FAT3: variants seen among roughly 807,000 people sequenced by gnomAD.
The protein encoded by FAT3 is FAT atypical cadherin 3, also known as protocadherin Fat 3.
In FAT3, 95 loss-of-function variants were observed where a neutral mutation model predicts 310.2. The ratio of observed to expected loss-of-function variants is 0.31; its 90% CI spans 0.26 to 0.36. FAT3 has a LOEUF of 0.36. Ranked by LOEUF, FAT3 falls within the 10% of genes least tolerant of loss-of-function variation. The pLI is 1.00. For synonymous variants in FAT3, 2,314 were observed against 2,192.9 expected, an observed-to-expected ratio of 1.06 and a Z score of -1.54; for missense variants, 5,408 against 5,715.6, an observed-to-expected ratio of 0.95 and a Z score of 1.74.
chr11:92,579,461 G>C (rs1938669106), intron 3 of FAT3, among the ~76,000 whole-genome samples: 1 of 152,052 alleles, frequency 6.6e-6, no homozygotes, highest in African/African-American at 2.4e-5. Context: ...TTTTTCTGGA[G>C]ATATATTCAA....
chr11:92,435,863 A>C (rs1168495757), intron 2 of FAT3, among the ~76,000 whole-genome samples: 1 of 151,690 alleles, frequency 6.6e-6, no homozygotes, highest in African/African-American at 2.4e-5. Flanking sequence ...CACTGTGCCC[A>C]GCCTCTTCGC....
intron 1 of FAT3, among the ~76,000 whole-genome samples, chr11:92,332,105 C>T (rs555370735): frequency 6.6e-6 from 1 of 152,166 alleles, no homozygotes; most frequent in Non-Finnish European, 1.5e-5. Context: ...CCTGAAGTGC[C>T]CAAGTTTAAA....
At chr11:92,706,831 A>C (rs1944369034) in intron 4 of FAT3, among the ~76,000 whole-genome samples, 1 of 152,216 alleles carries the variant, frequency 6.6e-6, no homozygotes, top group African/African-American at 2.4e-5. Context: ...GCTGAGTCTT[A>C]AGAGACTCTG....
At chr11:92,412,871 C>T (rs904909427) in intron 2 of FAT3, among the ~76,000 whole-genome samples, 1 of 150,950 alleles carries the variant, frequency 6.6e-6, no homozygotes, top group African/African-American at 2.4e-5. Flanking sequence ...CATGCACAGC[C>T]TTCCCTATAG....
chr11:92,555,798 A>G (rs796389125), intron 3 of FAT3, among the ~76,000 whole-genome samples: 15 of 152,336 alleles, frequency 9.8e-5, no homozygotes, highest in African/African-American at 3.6e-4. Flanking sequence ...TTTTTAATGA[A>G]AAACACACAA....
intron 3 of FAT3, among the ~76,000 whole-genome samples, chr11:92,619,706 C>T (rs993738689): frequency 2.0e-5 from 3 of 151,538 alleles, no homozygotes; most frequent in Non-Finnish European, 4.4e-5. Flanking sequence ...AGTTAATAGT[C>T]GTTTCTCATT....
In FAT3 at chr11:92,805,284, G is replaced by T; in HGVS notation, c.9028G>T (p.Val3010Phe). ...TATCACTGCCACTGATGGGCTTTTT[G>T]TCACACAGGCCATGGTGGAAGTGAG... ...LNITATDGLF[V>F]TQAMVEVSVS... The change falls in exon 11 of 28, where the codon GTC becomes TTC. Residue 3010 changes from valine (V) to phenylalanine (F), a missense_variant. Coordinates refer to ENST00000525166, the MANE Select transcript of FAT3 (RefSeq NM_001367949.2). 1 of 1,613,808 alleles carries T rather than the reference G, an allele frequency of 6.2e-7. No homozygotes were observed. The highest frequency in any genetic ancestry group is 1.7e-5 in the Admixed American group (1 of 60,018).
At chr11:92,705,342 TG>T (rs1944242607) in intron 4 of FAT3, among the ~76,000 whole-genome samples, 2 of 136,062 alleles carry the variant, frequency 1.5e-5, no homozygotes, top group South Asian at 5.0e-4. Flanking sequence ...GTGATGGTGG[TG>T]GTGATGATGG....
Position 92,565,905 on chromosome 11 carries a change from C to G in FAT3, c.3607+40957C>G, listed in dbSNP as rs548303376. Among the ~76,000 whole-genome samples the G allele has an allele frequency of 7.2e-5, 11 of 152,142 alleles. No homozygotes were observed. In the East Asian group the frequency reaches 1.7e-3, roughly 24 times the overall value. On this transcript the variant is annotated intron_variant, in intron 3 of 27. Transcript: ENST00000525166. ...CGTATCTCAAAATAATAAGAGCTAT[C>G]TATGACAAAACCACAGCCAATATCG...
intron 4 of FAT3, among the ~76,000 whole-genome samples, chr11:92,747,941 T>A (rs1945720878): frequency 6.6e-6 from 1 of 152,194 alleles, no homozygotes; most frequent in Non-Finnish European, 1.5e-5. Context: ...CCCACATTGT[T>A]CTCTCTTCTT....
intron 1 of FAT3, among the ~76,000 whole-genome samples, chr11:92,313,472 T>C (rs1029936439): frequency 3.9e-5 from 6 of 152,262 alleles, no homozygotes; most frequent in African/African-American, 1.4e-4. Flanking sequence ...AAAACTGTGC[T>C]ACCATTTTTA....
At position 92,854,774 on chromosome 11, in the gene FAT3, A is replaced by C. The variant is rs72964553; in HGVS notation, c.11366-2440A>C. On this transcript the variant is annotated intron_variant, in intron 19 of 27. Transcript: ENST00000525166. ...TGGCTTTTAAGCTGGATTTCTGATG[A>C]TTCAAGGTTTCTTTGCAATGCAGCC... Among the ~76,000 whole-genome samples, 326 of 152,200 alleles carry C rather than the reference A, an allele frequency of 2.1e-3. 1 individual carries two copies. The highest frequency in any genetic ancestry group is 6.9e-3 in the Admixed American group (105 of 15,294).
At chr11:92,736,808 T>C (rs1416580892) in intron 4 of FAT3, among the ~76,000 whole-genome samples, 1 of 152,170 alleles carries the variant, frequency 6.6e-6, no homozygotes, top group Non-Finnish European at 1.5e-5. Context: ...AAAAGATCTC[T>C]CAGGTACAAA....
In FAT3 at chr11:92,536,917, G is replaced by A. The variant is rs142748644; in HGVS notation, c.3607+11969G>A. On this transcript the variant is annotated intron_variant, in intron 3 of 27. Transcript: ENST00000525166. The stretch of plus-strand genomic sequence containing the variant: ...CTTGGAAAGTTCACTGGTAGTCATA[G>A]CTTATCCAGATTTTAGTCCAGACCC... Among the ~76,000 whole-genome samples, 118 of 152,260 alleles carry A rather than the reference G, an allele frequency of 7.7e-4. 3 individuals carry two copies. In the East Asian group the frequency reaches 0.021, roughly 27 times the overall value.
chr11:92,402,963 G>T (rs1019829212), intron 2 of FAT3, among the ~76,000 whole-genome samples: 1 of 152,010 alleles, frequency 6.6e-6, no homozygotes, highest in East Asian at 1.9e-4. Flanking sequence ...GGGACATAAA[G>T]AAGTGGAATT....
At chr11:92,386,117 C>T (rs1949612480) in intron 2 of FAT3, among the ~76,000 whole-genome samples, 1 of 152,096 alleles carries the variant, frequency 6.6e-6, no homozygotes, top group Non-Finnish European at 1.5e-5. Context: ...CCAGCCTATG[C>T]TGGAAAGAAA....
chr11:92,530,205 A>G (rs1046697581), intron 3 of FAT3, among the ~76,000 whole-genome samples: 1 of 152,174 alleles, frequency 6.6e-6, no homozygotes, highest in Non-Finnish European at 1.5e-5. Context: ...TCCAGACCAC[A>G]CTTCAACCTG....
chr11:92,858,740 A>G (rs1422189242), intron 20 of FAT3, among the ~76,000 whole-genome samples: 3 of 152,210 alleles, frequency 2.0e-5, no homozygotes, highest in Non-Finnish European at 4.4e-5. Flanking sequence ...CATGGATATC[A>G]TTTGGAAATG....
chr11:92,256,632 C>T (rs1296769617), intron 1 of FAT3, among the ~76,000 whole-genome samples: 1 of 152,012 alleles, frequency 6.6e-6, no homozygotes, highest in African/African-American at 2.4e-5. Context: ...TTCTTTGAAG[C>T]TTAATCATAA....
Sources: allele counts gnomAD v4.1 joint callset (sites outside exome capture counted in the v4.1 genomes callset), GRCh38; gene constraint gnomAD v4.1.1; transcripts MANE v1.5; gene names NCBI Gene and HGNC (gene_info 2026-07-23, HGNC 2026-07-21).